Variants in LONP2 observed in about 807,000 individuals in gnomAD.
LONP2 encodes lon protease homolog 2, peroxisomal.
LONP2 carries 60 observed loss-of-function variants against 85.6 expected under a neutral mutation model. That is an observed-to-expected ratio of 0.70 (90% CI 0.57 to 0.87). LONP2 has a LOEUF of 0.87. Ranked by LOEUF, LONP2 falls within the 40% of genes least tolerant of loss-of-function variation. The pLI, the probability that LONP2 is intolerant of heterozygous loss-of-function variation, is 0.00. For synonymous variants in LONP2, 395 were observed against 389.7 expected (o/e 1.01, Z -0.16); for missense variants, 860 against 1,063.5 (o/e 0.81, Z 2.66).
chr16:48,263,120 CAT>C (rs1181094453), intron 6 of LONP2, among the ~76,000 whole-genome samples: 2 of 152,162 alleles, frequency 1.3e-5, no homozygotes, highest in African/African-American at 4.8e-5. Context: ...TAGCCATAAA[CAT>C]ATCCGTCACC....
At chr16:48,321,895 T>G (rs577672717) in intron 11 of LONP2, among the ~76,000 whole-genome samples, 21 of 152,266 alleles carry the variant, frequency 1.4e-4, no homozygotes, top group African/African-American at 4.8e-4. Context: ...TATATACTAC[T>G]ATAGACTTAT....
rs760954132 is a variant in LONP2 at position 48,244,476 on chromosome 16, C to A, written c.88C>A (p.Arg30Ser). 2 of 1,598,272 alleles carry A rather than the reference C, an allele frequency of 1.3e-6. No individual in the cohort carries two copies. The highest frequency in any genetic ancestry group is 1.3e-5 in the African/African-American group (1 of 74,492). The stretch of plus-strand genomic sequence containing the variant: ...CGTCCTGCTGCCCGGCTCCACCATG[C>A]GCACCAGCGTGGACTCGGCCCGCAA... The part of the protein sequence containing the change: ...EGVLLPGSTM[R>S]TSVDSARNLQ... Residue 30 changes from arginine to serine, a missense_variant, in exon 1 of 15, where the codon CGC becomes AGC. Transcript: ENST00000285737.
intron 11 of LONP2, among the ~76,000 whole-genome samples, chr16:48,315,406 T>A (rs1283634208): frequency 6.6e-6 from 1 of 152,204 alleles, no homozygotes; most frequent in Non-Finnish European, 1.5e-5. Context: ...TTCTGGAGGC[T>A]GAAGAGTCCA....
At chr16:48,283,521 C>T (rs1184182822) in intron 8 of LONP2, among the ~76,000 whole-genome samples, 1 of 152,160 alleles carries the variant, frequency 6.6e-6, no homozygotes, top group Admixed American at 6.6e-5. Flanking sequence ...GATGCAAAAT[C>T]TACTCTGCCT....
At chr16:48,249,343 T>G (rs1361539707) in intron 1 of LONP2, among the ~76,000 whole-genome samples, 1 of 152,220 alleles carries the variant, frequency 6.6e-6, no homozygotes, top group Non-Finnish European at 1.5e-5. Context: ...TGCCTAATAA[T>G]GCACATACAA....
At chr16:48,334,658 G>T in intron 12 of LONP2, 2 of 600,128 alleles carry the variant, frequency 3.3e-6, no homozygotes, top group Admixed American at 4.1e-5. Context: ...CAGGCGCAGG[G>T]TGGACTCTTT....
At chr16:48,264,904 C>CCCAACAGAA (rs139426426) in intron 6 of LONP2, among the ~76,000 whole-genome samples, 2,558 of 152,222 alleles carry the variant, frequency 0.017, 56 homozygotes, top group African/African-American at 0.057. Flanking sequence ...CAACAGTGTA[C>CCCAACAGAA]AAGGGTGCCC....
intron 11 of LONP2, among the ~76,000 whole-genome samples, chr16:48,316,256 C>T (rs1450551344): frequency 2.0e-5 from 3 of 151,204 alleles, no homozygotes; most frequent in African/African-American, 4.9e-5. Flanking sequence ...ATCTGCCCTC[C>T]TCTGCCTGCC....
chr16:48,295,968 C>T (rs1030558755), intron 8 of LONP2, 47 bp from the exon 9 acceptor site: 1 of 1,590,228 alleles, frequency 6.3e-7, no homozygotes. Flanking sequence ...ATACAGCCTT[C>T]TGTTGGCACT....
chr16:48,286,996 G>T (rs562572052), intron 8 of LONP2, among the ~76,000 whole-genome samples: 1 of 152,230 alleles, frequency 6.6e-6, no homozygotes, highest in East Asian at 1.9e-4. Context: ...TGACTTTCTG[G>T]TTTCATTCTG....
chr16:48,348,030 CT>C (rs956803139), intron 13 of LONP2, 69 bp from the exon 14 acceptor site: 2,744 of 1,342,520 alleles, frequency 2.0e-3, no homozygotes, highest in African/African-American at 3.0e-3. Flanking sequence ...TTGTTTGTGA[CT>C]TTTTTTTTAG....
At chr16:48,256,273 G>T (rs1323370487) in intron 2 of LONP2, among the ~76,000 whole-genome samples, 1 of 152,190 alleles carries the variant, frequency 6.6e-6, no homozygotes, top group East Asian at 1.9e-4. Context: ...TCTGGAAGAA[G>T]GATGTACAGG....
At chr16:48,336,586 T>C (rs1959656678) in intron 12 of LONP2, 3 of 374,802 alleles carry the variant, frequency 8.0e-6, no homozygotes, top group South Asian at 5.9e-5. Context: ...AAAATTACAG[T>C]CAAAGGGGGT....
At chr16:48,284,764 C>T (rs1161472250) in intron 8 of LONP2, among the ~76,000 whole-genome samples, 1 of 152,026 alleles carries the variant, frequency 6.6e-6, no homozygotes, top group Non-Finnish European at 1.5e-5. Context: ...GGAACTGAAC[C>T]CACAGTGTCT....
chr16:48,315,406 T>G (rs1283634208), intron 11 of LONP2, among the ~76,000 whole-genome samples: 1 of 152,204 alleles, frequency 6.6e-6, no homozygotes, highest in Non-Finnish European at 1.5e-5. Context: ...TTCTGGAGGC[T>G]GAAGAGTCCA....
At chr16:48,283,104 A>G (rs144455999) in intron 8 of LONP2, among the ~76,000 whole-genome samples, 106 of 152,354 alleles carry the variant, frequency 7.0e-4, no homozygotes, top group African/African-American at 2.0e-3. Context: ...CTTCAGTTCT[A>G]TGAAAGCTGA....
chr16:48,246,303 A>AAT, intron 1 of LONP2, among the ~76,000 whole-genome samples: 1 of 152,182 alleles, frequency 6.6e-6, no homozygotes, highest in South Asian at 2.1e-4. Context: ...ACTCTTTGAT[A>AAT]AATTGTATTG....
chr16:48,265,321 A>AT (rs1276815327), intron 6 of LONP2, among the ~76,000 whole-genome samples: 1 of 152,070 alleles, frequency 6.6e-6, no homozygotes, highest in Non-Finnish European at 1.5e-5. Context: ...TTTAAAATAT[A>AT]TTTTGTTCTA....
chr16:48,325,215 C>T (rs1012459768), intron 11 of LONP2, among the ~76,000 whole-genome samples: 5 of 152,146 alleles, frequency 3.3e-5, no homozygotes, highest in African/African-American at 4.8e-5. Flanking sequence ...AATCTAATGC[C>T]GCTGCTGATC....
Sources: gnomAD v4.1 joint callset for allele counts (sites outside exome capture counted in the v4.1 genomes callset) on GRCh38, gnomAD v4.1.1 for gene constraint, MANE v1.5 for transcripts, NCBI Gene and HGNC (gene_info 2026-07-23, HGNC 2026-07-21) for gene names.